COPG2: variants seen among roughly 807,000 people sequenced by gnomAD.
The protein encoded by COPG2 is coat protein complex I subunit gamma 2, also known as coatomer subunit gamma-2.
In COPG2, 37 loss-of-function variants were observed where a neutral mutation model predicts 46.3. The observed-to-expected ratio is 0.80, with a 90% CI of 0.61 to 1.05. COPG2 has a LOEUF of 1.05. Among genes scored for constraint, COPG2 ranks in the 50% least tolerant of loss-of-function variants. The pLI is 0.00. For synonymous variants in COPG2, 159 were observed against 129.7 expected (o/e 1.23, Z -1.53); for missense variants, 427 against 387.8 (o/e 1.10, Z -0.85).
At chr7:130,591,060 GC>G (rs1270744147) in intron 9 of COPG2, among the ~76,000 whole-genome samples, 1 of 147,914 alleles carries the variant, frequency 6.8e-6, no homozygotes, top group African/African-American at 2.5e-5. Flanking sequence ...TCAGCCCCCC[GC>G]CCGGCCAGCC....
At chr7:130,518,306 G>C (rs905143753) in intron 20 of COPG2, among the ~76,000 whole-genome samples, 2 of 152,174 alleles carry the variant, frequency 1.3e-5, no homozygotes, top group African/African-American at 4.8e-5. Context: ...CATTTTGGGG[G>C]AATGAAAAGT....
chr7:130,528,284 C>T (rs1056281311), intron 20 of COPG2, among the ~76,000 whole-genome samples: 2,569 of 151,842 alleles, frequency 0.017, 37 homozygotes, highest in Non-Finnish European at 0.024. Context: ...AATTCACAGG[C>T]GCATGTTCCC....
chr7:130,610,473 C>T (rs782786603), intron 9 of COPG2: 7 of 510,464 alleles, frequency 1.4e-5, no homozygotes, highest in South Asian at 1.0e-4. Flanking sequence ...TAGATCCATG[C>T]CCAGCTTACT....
intron 9 of COPG2, among the ~76,000 whole-genome samples, chr7:130,599,820 C>A (rs1448532655): frequency 6.6e-6 from 1 of 152,140 alleles, no homozygotes; most frequent in Non-Finnish European, 1.5e-5. Flanking sequence ...TAAAGCATTT[C>A]TGGGGTACAA....
intron 5 of COPG2, among the ~76,000 whole-genome samples, chr7:130,644,501 AG>A (rs1795553893): frequency 6.6e-6 from 1 of 152,190 alleles, no homozygotes; most frequent in Non-Finnish European, 1.5e-5. Flanking sequence ...ATGACAACCA[AG>A]GTTGTCACAT....
chr7:130,642,971 A>T (rs1199121703), intron 5 of COPG2, among the ~76,000 whole-genome samples: 1 of 151,526 alleles, frequency 6.6e-6, no homozygotes, highest in Non-Finnish European at 1.5e-5. Context: ...ACACCATTCC[A>T]CTCCAGCCTG....
intron 9 of COPG2, among the ~76,000 whole-genome samples, chr7:130,601,928 G>A (rs2116482424): frequency 6.6e-6 from 1 of 152,248 alleles, no homozygotes; most frequent in South Asian, 2.1e-4. Context: ...CTCAAAGTGA[G>A]AAACTAAAGC....
rs539403910 is a variant in COPG2, at chr7:130,638,763, G to A, written c.323+14106C>T. Among the ~76,000 whole-genome samples the A allele has an allele frequency of 7.2e-5, 11 of 151,814 alleles. No individual in the cohort carries two copies. The South Asian group carries it at 1.2e-3, about 17-fold the overall frequency. On this transcript the variant is annotated intron_variant, in intron 5 of 23. Transcript: ENST00000425248. ...GTTCTGTCTCGCTGGCATTCCAGGC[G>A]CCACTGAGGTATGAAAAAAAAAACT...
chr7:130,530,731 G>A (rs1799816270), intron 20 of COPG2, among the ~76,000 whole-genome samples: 1 of 152,076 alleles, frequency 6.6e-6, no homozygotes, highest in Non-Finnish European at 1.5e-5. Flanking sequence ...GTGGGACGAT[G>A]AGGCAGTGCA....
intron 9 of COPG2, among the ~76,000 whole-genome samples, chr7:130,609,025 C>T (rs143018621): frequency 1.2e-3 from 176 of 152,122 alleles, no homozygotes; most frequent in Non-Finnish European, 2.1e-3. Context: ...CACAGGCCTG[C>T]GTCACCATGC....
chr7:130,553,420 C>T (rs1011805753), intron 14 of COPG2, among the ~76,000 whole-genome samples: 12 of 150,564 alleles, frequency 8.0e-5, no homozygotes, highest in African/African-American at 2.4e-4. Context: ...GGATCTGAAA[C>T]GGATGACAGC....
At chr7:130,581,517 A>T (rs1164810917) in intron 9 of COPG2, among the ~76,000 whole-genome samples, 2 of 146,424 alleles carry the variant, frequency 1.4e-5, no homozygotes, top group Admixed American at 6.9e-5. Flanking sequence ...CAGGAGAAGG[A>T]AATAAAGGGT....
At chr7:130,652,072 T>C (rs1434230441) in intron 5 of COPG2, among the ~76,000 whole-genome samples, 1 of 152,220 alleles carries the variant, frequency 6.6e-6, no homozygotes, top group East Asian at 1.9e-4. Flanking sequence ...TTTTAAAATA[T>C]TTTATAATAT....
intron 4 of COPG2, among the ~76,000 whole-genome samples, chr7:130,659,369 C>T (rs138783072): frequency 6.6e-5 from 3 of 45,534 alleles, no homozygotes; most frequent in Admixed American, 2.0e-4. Context: ...AAAAAAAAAA[C>T]GAACAAACAA....
At chr7:130,590,273 C>T (rs1305474507) in intron 9 of COPG2, among the ~76,000 whole-genome samples, 2 of 152,082 alleles carry the variant, frequency 1.3e-5, no homozygotes, top group Non-Finnish European at 2.9e-5. Flanking sequence ...GTCTCCCTCT[C>T]CCTCTCTTTC....
intron 9 of COPG2, among the ~76,000 whole-genome samples, chr7:130,600,257 CA>C (rs1794610150): frequency 6.6e-6 from 1 of 151,928 alleles, no homozygotes; most frequent in South Asian, 2.1e-4. Flanking sequence ...TCCATTTTGT[CA>C]TTTTTATTTA....
intron 20 of COPG2, chr7:130,510,194 A>G (rs1799573717): frequency 1.9e-6 from 1 of 520,008 alleles, no homozygotes; most frequent in Non-Finnish European, 3.8e-6. Context: ...GAATTCAGAG[A>G]GCAGATGGAT....
chr7:130,508,043 AG>A, intron 21 of COPG2: 2 of 509,116 alleles, frequency 3.9e-6, no homozygotes, highest in South Asian at 5.0e-5. Flanking sequence ...TGTAGCCCTG[AG>A]GTACAGAGTA....
chr7:130,610,478 C>A (rs1554451859), intron 9 of COPG2: 1 of 513,194 alleles, frequency 1.9e-6, no homozygotes, highest in South Asian at 1.4e-5. Flanking sequence ...CCATGCCCAG[C>A]TTACTATACC....
Sources: allele counts gnomAD v4.1 joint callset (sites outside exome capture counted in the v4.1 genomes callset), GRCh38; gene constraint gnomAD v4.1.1; transcripts MANE v1.5; gene names NCBI Gene and HGNC (gene_info 2026-07-23, HGNC 2026-07-21).